OTOA: variants seen among roughly 807,000 people sequenced by gnomAD.
OTOA encodes the protein cancer/testis antigen 108.
A neutral mutation model predicts 110.8 loss-of-function variants in OTOA; 70 were observed. The ratio of observed to expected loss-of-function variants is 0.63; its 90% CI spans 0.52 to 0.77. The LOEUF is 0.77. Ranked by LOEUF, OTOA falls within the 30% of genes least tolerant of loss-of-function variation. The pLI, the probability that OTOA is intolerant of heterozygous loss-of-function variation, is 0.00. For synonymous variants in OTOA, 373 were observed against 431.5 expected, an observed-to-expected ratio of 0.86 and a Z score of 1.68; for missense variants, 917 against 1,075.8, an observed-to-expected ratio of 0.85 and a Z score of 2.06.
intron 21 of OTOA, among the ~76,000 whole-genome samples, chr16:21,734,619 G>A (rs1022677222): frequency 1.1e-4 from 16 of 151,270 alleles, no homozygotes; most frequent in African/African-American, 2.9e-4. Flanking sequence ...GGCAGATCAC[G>A]AGGTCAGGAG....
chr16:21,698,378 G>A (rs976315824), intron 10 of OTOA, among the ~76,000 whole-genome samples: 1 of 152,102 alleles, frequency 6.6e-6, no homozygotes, highest in East Asian at 1.9e-4. Flanking sequence ...ACACATTCTA[G>A]GATTACTTAA....
At chr16:21,716,779 A>T (rs191530356) in intron 14 of OTOA, 128 bp from the exon 15 acceptor site, 1 of 1,052,402 alleles carries the variant, frequency 9.5e-7, no homozygotes, top group Non-Finnish European at 1.4e-6. Context: ...GGATGATGCT[A>T]CTCTCCACTT....
chr16:21,714,354 C>T (rs1157063306), intron 13 of OTOA, among the ~76,000 whole-genome samples: 3,832 of 60,876 alleles, frequency 0.063, 70 homozygotes, highest in Middle Eastern at 0.094. Context: ...TCTTTCTTTC[C>T]TTCTCTCTTT....
Position 21,704,855 on chromosome 16 carries a change from G to A in OTOA, c.981-314G>A, listed in dbSNP as rs937528804. On this transcript the variant is annotated intron_variant, in intron 11 of 28. Coordinates refer to ENST00000646100, the MANE Select transcript of OTOA (RefSeq NM_144672.4). ...TGATCTGATTGGGTCTTGCTACAAG[G>A]TGATGCTGGGAGGTGTGATCTGATT... The A allele has an allele frequency of 3.9e-6, 3 of 763,146 alleles. No homozygotes were observed. The African/African-American group carries it at 5.1e-5, about 13-fold the overall frequency. 47.3% of individuals were successfully genotyped at this position (763,146 alleles called of 1,614,324 possible).
At chr16:21,699,471 A>G (rs1898008184) in intron 10 of OTOA, among the ~76,000 whole-genome samples, 1 of 152,040 alleles carries the variant, frequency 6.6e-6, no homozygotes, top group Non-Finnish European at 1.5e-5. Flanking sequence ...CCTCATCTCT[A>G]CAAAAAAATT....
At chr16:21,695,892 T>TATATATA (rs377002847) in intron 9 of OTOA, among the ~76,000 whole-genome samples, 21 of 21,064 alleles carry the variant, frequency 1.0e-3, no homozygotes, top group South Asian at 3.8e-3. Flanking sequence ...TATATATATA[T>TATATATA]TTTTTTTTTT....
intron 13 of OTOA, among the ~76,000 whole-genome samples, chr16:21,712,103 G>C (rs1898375520): frequency 6.6e-6 from 1 of 151,338 alleles, no homozygotes; most frequent in African/African-American, 2.4e-5. Flanking sequence ...CAAGATGAAT[G>C]GATCACTTGA....
chr16:21,701,461 G>T (rs1200111743), intron 11 of OTOA, among the ~76,000 whole-genome samples: 4 of 152,152 alleles, frequency 2.6e-5, no homozygotes, highest in African/African-American at 9.7e-5. Context: ...CCCTGGATGA[G>T]ATCAGCTCTA....
intron 11 of OTOA, among the ~76,000 whole-genome samples, chr16:21,701,607 C>T (rs1898054246): frequency 6.6e-6 from 1 of 151,876 alleles, no homozygotes. Flanking sequence ...TCAATACTCC[C>T]TCCTTTTCCT....
At position 21,678,526 on chromosome 16, in the gene OTOA, A is replaced by G. The variant is rs1191448181; in HGVS notation, c.12A>G (p.Glu4=). 7 of 1,613,372 alleles carry G rather than the reference A, an allele frequency of 4.3e-6. No individual in the cohort carries two copies. The East Asian group carries it at 1.6e-4, about 36-fold the overall frequency. Residue 4 remains glutamate (E), a synonymous_variant, in exon 2 of 29, where the codon GAA becomes GAG. Transcript: ENST00000646100. Reference sequence around the variant, plus strand: ...TTAACTACAGGAGAATGTCTCAGGAACCTACGACATACTCCCTTTTCCTAT... The same window carrying G: ...TTAACTACAGGAGAATGTCTCAGGAGCCTACGACATACTCCCTTTTCCTAT... MSQ[E]PTTYSLFLFL... is the part of the protein sequence containing the mutation.
At chr16:21,686,911 T>C (rs1897726413) in intron 7 of OTOA, among the ~76,000 whole-genome samples, 1 of 151,904 alleles carries the variant, frequency 6.6e-6, no homozygotes. Context: ...AATAAAACTT[T>C]AAAAAAGCTC....
At chr16:21,684,722 T>C (rs1966971772) in intron 6 of OTOA, among the ~76,000 whole-genome samples, 1 of 74,848 alleles carries the variant, frequency 1.3e-5, no homozygotes, top group Non-Finnish European at 2.6e-5. Context: ...GGAATCCCCT[T>C]ATTATTATTA....
At chr16:21,678,469 TTA>T (rs1491339021) in intron 1 of OTOA, 40 bp from the exon 2 acceptor site, 22 of 990,442 alleles carry the variant, frequency 2.2e-5, no homozygotes, top group Non-Finnish European at 3.3e-5. Flanking sequence ...TATATATATA[TTA>T]AAAAAACATG....
chr16:21,677,541 G>A (rs1379600488), intron 1 of OTOA, among the ~76,000 whole-genome samples: 5 of 147,650 alleles, frequency 3.4e-5, no homozygotes, highest in Non-Finnish European at 7.4e-5. Context: ...GAGTGCAGTG[G>A]CGTGATCTCG....
Position 21,679,032 on chromosome 16 carries a change from T to G in OTOA, c.121-4T>G, listed in dbSNP as rs749551809. ...ATACTTGATGTTATCTCTTTGCCTTTTAGGAAGAAATAATAGATGGAAGCT... is the reference window on the plus strand; with the variant it reads ...ATACTTGATGTTATCTCTTTGCCTTGTAGGAAGAAATAATAGATGGAAGCT... On this transcript the variant is annotated splice_region_variant and splice_polypyrimidine_tract_variant and intron_variant, in intron 3 of 28. Transcript: ENST00000646100. The G allele has an allele frequency of 1.2e-6, 2 of 1,614,028 alleles. No homozygotes were observed. Among genetic ancestry groups the G allele is most frequent in the East Asian group, 4.5e-5 (2 of 44,864 alleles).
chr16:21,697,564 G>A (rs112306896), intron 9 of OTOA, among the ~76,000 whole-genome samples: 4 of 152,138 alleles, frequency 2.6e-5, no homozygotes, highest in South Asian at 2.1e-4. Context: ...ACCGGCAGGC[G>A]GAGGTTGAGA....
In OTOA at chr16:21,692,188, G is replaced by A. The variant is rs963517966; in HGVS notation, c.739+501G>A. ...CTAAAAATACAAAGATTAACCGGGC[G>A]TGGTGGCGGGCACCTGTAATCCCAG... On this transcript the variant is annotated intron_variant, in intron 9 of 28. Transcript: ENST00000646100. Among the ~76,000 whole-genome samples the A allele has an allele frequency of 3.3e-5, 5 of 152,008 alleles. No homozygotes were observed. In the South Asian group the frequency reaches 6.2e-4, roughly 19 times the overall value.
Position 21,702,024 on chromosome 16 carries a change from C to T in OTOA, c.980+997C>T, listed in dbSNP as rs186059293. ...GGAGGGCAGTGGTGCAATACCAGCT[C>T]ACTACAACCTCCACCTCCAGATTCA... On this transcript the variant is annotated intron_variant, in intron 11 of 28. Coordinates refer to ENST00000646100, the MANE Select transcript of OTOA (RefSeq NM_144672.4). 2.1e-3 allele frequency among the ~76,000 whole-genome samples: 314 copies of T among 149,730 alleles called. 1 individual carries two copies. Among genetic ancestry groups the T allele is most frequent in the Non-Finnish European group, 3.8e-3 (254 of 67,690 alleles).
chr16:21,712,690 A>AT, intron 13 of OTOA, among the ~76,000 whole-genome samples: 1 of 151,340 alleles, frequency 6.6e-6, no homozygotes, highest in African/African-American at 2.4e-5. Context: ...AATAAAAAAA[A>AT]AAAAATTAGC....
Sources: allele counts gnomAD v4.1 joint callset (sites outside exome capture counted in the v4.1 genomes callset), GRCh38; gene constraint gnomAD v4.1.1; transcripts MANE v1.5; gene names NCBI Gene and HGNC (gene_info 2026-07-23, HGNC 2026-07-21).